GBE1: variants seen among roughly 807,000 people sequenced by gnomAD.
GBE1 encodes the protein 1,4-alpha-glucan-branching enzyme.
In GBE1, 70 loss-of-function variants were observed where a neutral mutation model predicts 88.8. The observed-to-expected ratio is 0.79, with a 90% CI of 0.65 to 0.96. The LOEUF is 0.96. GBE1 is among the 40% of genes least tolerant of loss of function. GBE1 has a pLI of 0.00. For missense variants in GBE1, 872 were observed against 871.0 expected (o/e 1.00, Z -0.01); for synonymous variants, 284 against 300.1 (o/e 0.95, Z 0.56).
At position 81,712,162 on chromosome 3, in the gene GBE1, G is replaced by A. The variant is rs193156477; in HGVS notation, c.144-6549C>T. ...AAAAGTCAGGAAACAACAGGTGCTA[G>A]AGAGGATGTGGAGAAATAGGAACAC... On this transcript the variant is annotated intron_variant, in intron 1 of 15. Coordinates refer to ENST00000429644, the MANE Select transcript of GBE1 (RefSeq NM_000158.4). Among the ~76,000 whole-genome samples, 1,043 of 152,302 alleles carry A rather than the reference G, an allele frequency of 6.8e-3. 10 individuals carry two copies. The highest frequency in any genetic ancestry group is 0.024 in the African/African-American group (990 of 41,572).
At chr3:81,509,918 G>T (rs1702702614) in intron 14 of GBE1, among the ~76,000 whole-genome samples, 1 of 151,614 alleles carries the variant, frequency 6.6e-6, no homozygotes, top group Admixed American at 6.6e-5. Flanking sequence ...CTTCATTTTG[G>T]ATAATTTATA....
chr3:81,499,195 T>C lies in GBE1; in HGVS notation c.1967A>G (p.Glu656Gly). ...GTCCAGTCTCTGATGCCCTCCATAT[T>C]CCGCTGCATCTGAATCTAGCACAAT... ...FKIVLDSDAAEYGGHQRLDHS... is the reference protein window; with the variant it reads ...FKIVLDSDAAGYGGHQRLDHS... Residue 656 changes from glutamate (E) to glycine (G), a missense_variant, in exon 15 of 16, where the codon GAA (glutamate) becomes GGA (glycine). Glu to Gly is a moderately conservative substitution (Grantham distance 98, BLOSUM62 -2). Coordinates refer to ENST00000429644, the MANE Select transcript of GBE1 (RefSeq NM_000158.4). 1 of 1,611,180 alleles carries C rather than the reference T, an allele frequency of 6.2e-7. No individual in the cohort carries two copies. The highest frequency in any genetic ancestry group is 8.5e-7 in the Non-Finnish European group (1 of 1,178,304).
rs117047252 is a variant in GBE1, at chr3:81,655,459, C to T, written c.430-5538G>A. On this transcript the variant is annotated intron_variant, in intron 3 of 15. Coordinates refer to ENST00000429644, the MANE Select transcript of GBE1 (RefSeq NM_000158.4). ...AATAAGTGATATTCCAGATGAAAAGCTAACAATTCTACCAATGACCTGAAT... is the reference window on the plus strand; with the variant it reads ...AATAAGTGATATTCCAGATGAAAAGTTAACAATTCTACCAATGACCTGAAT... Among the ~76,000 whole-genome samples the T allele has an allele frequency of 9.3e-4, 142 of 152,258 alleles. No homozygotes were observed. The East Asian group carries it at 0.025, about 27-fold the overall frequency.
intron 13 of GBE1, 80 bp from the exon 14 acceptor site, chr3:81,535,405 T>G: frequency 7.2e-7 from 1 of 1,386,626 alleles, no homozygotes. Context: ...TCTTTCTTAA[T>G]AGTCTGGTTA....
intron 12 of GBE1, among the ~76,000 whole-genome samples, chr3:81,540,845 TCTA>T (rs1193092560): frequency 1.3e-5 from 2 of 152,024 alleles, no homozygotes; most frequent in Non-Finnish European, 2.9e-5. Flanking sequence ...GCCTCACTAT[TCTA>T]CATGTTCACC....
chr3:81,743,526 C>A, intron 1 of GBE1: 1 of 1,466,290 alleles, frequency 6.8e-7, no homozygotes, highest in Non-Finnish European at 9.2e-7. Context: ...CAAAGACCAA[C>A]TCAAAAATAA....
intron 1 of GBE1, among the ~76,000 whole-genome samples, chr3:81,710,230 A>ATTTTT (rs375326721): frequency 4.0e-5 from 3 of 74,706 alleles, no homozygotes; most frequent in African/African-American, 1.4e-4. Flanking sequence ...AAGGTAATTA[A>ATTTTT]TCTTTTTTTT....
At chr3:81,684,588 C>T (rs544249983) in intron 2 of GBE1, among the ~76,000 whole-genome samples, 2 of 152,134 alleles carry the variant, frequency 1.3e-5, no homozygotes, top group Non-Finnish European at 2.9e-5. Flanking sequence ...CCAAAGCCCC[C>T]GCCTGCAAAT....
intron 7 of GBE1, among the ~76,000 whole-genome samples, chr3:81,616,611 A>G (rs1169943292): frequency 6.6e-6 from 1 of 152,134 alleles, no homozygotes; most frequent in Non-Finnish European, 1.5e-5. Flanking sequence ...ATATAAGAGT[A>G]AAAATTGGGG....
intron 3 of GBE1, among the ~76,000 whole-genome samples, chr3:81,667,360 T>C (rs1359997564): frequency 6.6e-6 from 1 of 152,088 alleles, no homozygotes; most frequent in African/African-American, 2.4e-5. Context: ...GATGATGGGG[T>C]TTTGTAAATA....
At chr3:81,659,369 T>C (rs1382728103) in intron 3 of GBE1, among the ~76,000 whole-genome samples, 8 of 151,838 alleles carry the variant, frequency 5.3e-5, no homozygotes, top group Admixed American at 5.3e-4. Context: ...ACAGTCTCAG[T>C]CTGTCACCCA....
rs532695418 is a variant in GBE1 at position 81,700,673 on chromosome 3, C to A, written c.313+4771G>T. Among the ~76,000 whole-genome samples, 119 of 152,128 alleles carry A rather than the reference C, an allele frequency of 7.8e-4. 1 individual carries two copies. In the South Asian group the frequency reaches 0.02, roughly 25 times the overall value. On this transcript the variant is annotated intron_variant, in intron 2 of 15. Transcript: ENST00000429644. ...AAGAAATATGAAGGCTTTTATGACA[C>A]TGAAAACTTATATAACTGAAAAAAA... is the stretch of plus-strand genomic sequence containing the variant.
intron 1 of GBE1, among the ~76,000 whole-genome samples, chr3:81,712,995 C>T (rs1705891125): frequency 6.6e-6 from 1 of 152,098 alleles, no homozygotes; most frequent in South Asian, 2.1e-4. Context: ...TCAATCAGGG[C>T]AATTATTCGA....
At chr3:81,642,281 T>C (rs1294610194) in intron 7 of GBE1, among the ~76,000 whole-genome samples, 1 of 152,076 alleles carries the variant, frequency 6.6e-6, no homozygotes, top group Non-Finnish European at 1.5e-5. Context: ...AATAGGTAGC[T>C]AATATATCTA....
chr3:81,565,795 T>C (rs1297957895), intron 12 of GBE1, among the ~76,000 whole-genome samples: 4 of 152,244 alleles, frequency 2.6e-5, no homozygotes, highest in African/African-American at 4.8e-5. Context: ...GAAAAACATA[T>C]GTACACATAT....
At chr3:81,677,923 C>T (rs1270317113) in intron 2 of GBE1, among the ~76,000 whole-genome samples, 1 of 152,104 alleles carries the variant, frequency 6.6e-6, no homozygotes, top group African/African-American at 2.4e-5. Flanking sequence ...AATTCAGAAC[C>T]AATGGAATAC....
chr3:81,749,795 T>C (rs1706470029), intron 1 of GBE1, among the ~76,000 whole-genome samples: 1 of 152,016 alleles, frequency 6.6e-6, no homozygotes, highest in Non-Finnish European at 1.5e-5. Flanking sequence ...TTCAGAATGA[T>C]TTTTTTTAAT....
chr3:81,536,825 A>G (rs1276975191), intron 13 of GBE1, 86 bp downstream of exon 13: 3 of 1,025,856 alleles, frequency 2.9e-6, no homozygotes, highest in Non-Finnish European at 4.3e-6. Flanking sequence ...TGTTTAAAAG[A>G]TCTGCATAGA....
chr3:81,708,338 A>G (rs1705806746), intron 1 of GBE1, among the ~76,000 whole-genome samples: 1 of 152,104 alleles, frequency 6.6e-6, no homozygotes, highest in Non-Finnish European at 1.5e-5. Context: ...TTCCAGAGAA[A>G]TCAAATTTAT....
Sources: gnomAD v4.1 joint callset for allele counts (sites outside exome capture counted in the v4.1 genomes callset) on GRCh38, gnomAD v4.1.1 for gene constraint, MANE v1.5 for transcripts, NCBI Gene and HGNC (gene_info 2026-07-23, HGNC 2026-07-21) for gene names.